Variants in CBX5 observed in about 807,000 individuals in gnomAD.
CBX5 encodes the protein chromobox 5, also known as chromobox protein homolog 5.
In CBX5, 7 loss-of-function variants were observed where a neutral mutation model predicts 20.7. The observed-to-expected ratio is 0.34, with a 90% CI of 0.19 to 0.63. CBX5 has a LOEUF of 0.63. Ranked by LOEUF, CBX5 falls within the 30% of genes least tolerant of loss-of-function variation. CBX5 has a pLI of 0.75. For missense variants in CBX5, 110 were observed against 224.1 expected (o/e 0.49, Z 3.25); for synonymous variants, 78 against 77.0 (o/e 1.01, Z -0.07).
At chr12:54,243,292 C>T (rs1227076564) in intron 4 of CBX5, among the ~76,000 whole-genome samples, 1 of 151,382 alleles carries the variant, frequency 6.6e-6, no homozygotes, top group African/African-American at 2.4e-5. Context: ...AAAAGCAGTC[C>T]AGCCCAGGCA....
chr12:54,249,137 A>T (rs925921917), intron 3 of CBX5, among the ~76,000 whole-genome samples: 1 of 152,166 alleles, frequency 6.6e-6, no homozygotes, highest in African/African-American at 2.4e-5. Context: ...TTGAGAGGCC[A>T]AGATGGGCGG....
intron 3 of CBX5, among the ~76,000 whole-genome samples, 162 bp downstream of exon 3, chr12:54,251,879 G>C (rs1943807952): frequency 6.6e-6 from 1 of 152,124 alleles, no homozygotes; most frequent in Non-Finnish European, 1.5e-5. Context: ...GCCAGGAGAG[G>C]GAGCTGTAAT....
At position 54,239,797 on chromosome 12, in the gene CBX5, A is replaced by G. The variant is rs1336647222; in HGVS notation, c.*1958T>C. The G allele has an allele frequency of 6.6e-6, 1 of 152,264 alleles. No individual in the cohort carries two copies. The highest frequency in any genetic ancestry group is 1.5e-5 in the Non-Finnish European group (1 of 68,054). The allele number at this position is 152,264 out of a possible 1,614,324, so 9.4% of individuals were successfully genotyped here. A position where few individuals can be genotyped will look rare whatever the true frequency, so the allele number is the denominator to read the frequency against. On this transcript the variant is annotated 3_prime_UTR_variant, in exon 5 of 5. Coordinates refer to ENST00000209875, the MANE Select transcript of CBX5 (RefSeq NM_012117.3). ...TTCCAGTCTGTCATGTCACTGCAGC[A>G]ACAGCTGTCACCTCAATTATGCAGT...
At chr12:54,279,446 T>G (rs532318747) in intron 1 of CBX5, among the ~76,000 whole-genome samples, 9 of 152,276 alleles carry the variant, frequency 5.9e-5, no homozygotes, top group Middle Eastern at 3.4e-3. Context: ...AGAGAAGTCA[T>G]CGTGGATAAA....
intron 1 of CBX5, among the ~76,000 whole-genome samples, chr12:54,261,763 G>A (rs1326236911): frequency 6.6e-6 from 1 of 152,146 alleles, no homozygotes; most frequent in African/African-American, 2.4e-5. Flanking sequence ...AACTTGCCAT[G>A]TGTTATCCTG....
chr12:54,243,658 C>A (rs888456460), intron 4 of CBX5, among the ~76,000 whole-genome samples: 36 of 152,220 alleles, frequency 2.4e-4, no homozygotes, highest in African/African-American at 7.7e-4. Flanking sequence ...TGCTTGAGAT[C>A]AGGAGTTCGA....
At position 54,234,645 on chromosome 12, in the gene CBX5, T is replaced by C. The variant is rs1458039270; in HGVS notation, c.*7110A>G. On this transcript the variant is annotated 3_prime_UTR_variant, in exon 5 of 5. Transcript: ENST00000209875. ...GATCACAATCAGTTGACTTTGAAATTGTCTTAATTAATGGCTCTTTCCTTG... is the reference window on the plus strand; with the variant it reads ...GATCACAATCAGTTGACTTTGAAATCGTCTTAATTAATGGCTCTTTCCTTG... 1 of 152,252 alleles carries C rather than the reference T, an allele frequency of 6.6e-6. No individual in the cohort carries two copies. Among genetic ancestry groups the C allele is most frequent in the Non-Finnish European group, 1.5e-5 (1 of 68,050 alleles). The allele number at this position is 152,252 out of a possible 1,614,324, so 9.4% of individuals were successfully genotyped here.
intron 2 of CBX5, among the ~76,000 whole-genome samples, 164 bp downstream of exon 2, chr12:54,257,350 A>G (rs916496248): frequency 6.6e-6 from 1 of 152,224 alleles, no homozygotes; most frequent in African/African-American, 2.4e-5. Flanking sequence ...CGTAAGCTCC[A>G]CAAGCGGAGA....
At chr12:54,261,189 CAAA>C (rs1187762152) in intron 1 of CBX5, among the ~76,000 whole-genome samples, 4 of 64,654 alleles carry the variant, frequency 6.2e-5, no homozygotes, top group Admixed American at 1.7e-4. Context: ...GAAACCGTCT[CAAA>C]AAAAAAAAAA....
chr12:54,262,171 G>T (rs1943919991), intron 1 of CBX5, among the ~76,000 whole-genome samples: 1 of 152,200 alleles, frequency 6.6e-6, no homozygotes, highest in African/African-American at 2.4e-5. Flanking sequence ...AAAGATGGCA[G>T]AATGAAAAGA....
intron 1 of CBX5, among the ~76,000 whole-genome samples, chr12:54,262,000 C>T (rs1943918899): frequency 6.6e-6 from 1 of 152,212 alleles, no homozygotes; most frequent in Admixed American, 6.5e-5. Context: ...ATATCACATG[C>T]AGTAACTCCT....
chr12:54,250,637 C>T (rs1317172445), intron 3 of CBX5, among the ~76,000 whole-genome samples: 1 of 146,936 alleles, frequency 6.8e-6, no homozygotes, highest in African/African-American at 2.5e-5. Context: ...AACCCCGTCT[C>T]TACTAAAAAT....
intron 2 of CBX5, 180 bp from the exon 3 acceptor site, chr12:54,252,407 A>C: frequency 2.1e-6 from 1 of 479,806 alleles, no homozygotes; most frequent in South Asian, 4.0e-5. Context: ...AAAAAAAAAA[A>C]AGCCCACACA....
At chr12:54,247,062 T>C (rs781261499) in intron 3 of CBX5, among the ~76,000 whole-genome samples, 1 of 152,092 alleles carries the variant, frequency 6.6e-6, no homozygotes, top group Non-Finnish European at 1.5e-5. Context: ...TATGGAAGAA[T>C]AGAGGTAAGA....
chr12:54,274,654 A>G (rs1944042829), intron 1 of CBX5, among the ~76,000 whole-genome samples: 1 of 152,190 alleles, frequency 6.6e-6, no homozygotes, highest in African/African-American at 2.4e-5. Context: ...AAAGACCTCA[A>G]TAGAGCCGGG....
chr12:54,263,684 A>G (rs1221298488), intron 1 of CBX5, among the ~76,000 whole-genome samples: 5 of 150,906 alleles, frequency 3.3e-5, no homozygotes, highest in Non-Finnish European at 7.4e-5. Flanking sequence ...AGAATCGCTT[A>G]AACGGGAGGC....
intron 4 of CBX5, among the ~76,000 whole-genome samples, chr12:54,245,043 G>C (rs1565867343): frequency 6.6e-6 from 1 of 150,540 alleles, no homozygotes; most frequent in Non-Finnish European, 1.5e-5. Flanking sequence ...ACGGAGTCTT[G>C]CTCTGTCGTT....
intron 1 of CBX5, among the ~76,000 whole-genome samples, chr12:54,274,864 C>T (rs984600382): frequency 2.0e-5 from 3 of 151,056 alleles, no homozygotes; most frequent in Admixed American, 6.6e-5. Context: ...CGCTTGAATC[C>T]GGGAGGCAGA....
Position 54,257,660 on chromosome 12 carries a change from C to G in CBX5, c.-10G>C. On this transcript the variant is annotated 5_prime_UTR_variant, in exon 2 of 5. Transcript: ENST00000209875. ...TGGTTTTCTTTCCCATGTCGCACACCGTTCCACCTGAAAGACTAAGGCCAC... is the reference window on the plus strand; with the variant it reads ...TGGTTTTCTTTCCCATGTCGCACACGGTTCCACCTGAAAGACTAAGGCCAC... 6.2e-7 allele frequency: 1 copy of G among 1,614,152 alleles called. No individual in the cohort carries two copies. Among genetic ancestry groups the G allele is most frequent in the African/African-American group, 1.3e-5 (1 of 75,044 alleles).
Sources: gnomAD v4.1 joint callset for allele counts (sites outside exome capture counted in the v4.1 genomes callset) on GRCh38, gnomAD v4.1.1 for gene constraint, MANE v1.5 for transcripts, NCBI Gene and HGNC (gene_info 2026-07-23, HGNC 2026-07-21) for gene names.